Variants in KCNMA1 observed in about 807,000 individuals in gnomAD.
KCNMA1 encodes Calcium-activated potassium channel subunit alpha-1.
Under a neutral mutation model 140.0 loss-of-function variants are expected in KCNMA1, and 29 were observed. That is an observed-to-expected ratio of 0.21 (90% CI 0.15 to 0.28). KCNMA1 has a LOEUF of 0.28. Ranked by LOEUF, KCNMA1 falls within the 10% of genes least tolerant of loss-of-function variation. The probability of loss-of-function intolerance (pLI) is 1.00; values close to 1 mark genes in which losing one functional copy is unlikely to be tolerated. For synonymous variants in KCNMA1, 612 were observed against 611.9 expected (o/e 1.00, Z 0.00); for missense variants, 880 against 1,602.2 (o/e 0.55, Z 7.70).
chr10:76,894,335 G>C (rs116663917), intron 25 of KCNMA1, among the ~76,000 whole-genome samples: 4 of 152,030 alleles, frequency 2.6e-5, no homozygotes, highest in East Asian at 1.9e-4. Context: ...AACACAAAAG[G>C]GGTCAAAGAT....
chr10:77,576,088 T>C (rs949237199), intron 1 of KCNMA1, among the ~76,000 whole-genome samples: 1 of 152,210 alleles, frequency 6.6e-6, no homozygotes, highest in Non-Finnish European at 1.5e-5. Flanking sequence ...CAGTCTTCTG[T>C]GTGCACATCC....
chr10:76,953,534 A>G (rs757064186), intron 21 of KCNMA1, among the ~76,000 whole-genome samples: 2 of 152,190 alleles, frequency 1.3e-5, no homozygotes, highest in Non-Finnish European at 2.9e-5. Flanking sequence ...AATTATGTTC[A>G]TACCACCTCC....
intron 2 of KCNMA1, among the ~76,000 whole-genome samples, chr10:77,327,456 C>T (rs553549745): frequency 1.3e-5 from 2 of 151,986 alleles, no homozygotes; most frequent in Non-Finnish European, 2.9e-5. Context: ...TGGGTTCAAG[C>T]GATTCTCCTA....
At chr10:77,326,054 C>G (rs762447755) in intron 2 of KCNMA1, among the ~76,000 whole-genome samples, 1 of 152,196 alleles carries the variant, frequency 6.6e-6, no homozygotes, top group African/African-American at 2.4e-5. Flanking sequence ...CTCTGCACAC[C>G]CTGTGCCTTA....
rs991345002 is a variant in KCNMA1, at chr10:76,914,958, G to A, written c.2994C>T (p.Asn998=). Residue 998 remains asparagine (N), a synonymous_variant, in exon 24 of 28, where the codon AAC becomes AAT. Transcript: ENST00000286628. ...LRQPSITTGV[N]IPIITELVND... ...TACCTAGTTCAGTGATGATGGGGAT[G>A]TTGACCCCAGTTGTGATGGATGGTT... 1.9e-6 allele frequency: 3 copies of A among 1,612,594 alleles called. No individual in the cohort carries two copies. In the Admixed American group the frequency reaches 5.0e-5, roughly 27 times the overall value.
At chr10:77,158,860 C>A (rs1044419756) in intron 5 of KCNMA1, among the ~76,000 whole-genome samples, 5 of 152,072 alleles carry the variant, frequency 3.3e-5, no homozygotes, top group African/African-American at 1.2e-4. Flanking sequence ...GATATGGTAG[C>A]CTGGCCAGCC....
In KCNMA1 at chr10:77,056,107, G is replaced by A. The variant is rs117506872; in HGVS notation, c.1750-16470C>T. Among the ~76,000 whole-genome samples, 160 of 152,288 alleles carry A rather than the reference G, an allele frequency of 1.1e-3. 2 individuals carry two copies. The highest frequency in any genetic ancestry group is 3.5e-3 in the African/African-American group (145 of 41,572). On this transcript the variant is annotated intron_variant, in intron 14 of 27. Coordinates refer to ENST00000286628, the MANE Select transcript of KCNMA1 (RefSeq NM_001161352.2). ...TAAAATCAAGCCGATCAGGCCGGGC[G>A]CAGTGCCTCGTGTCTGTAATTCCAG...
intron 1 of KCNMA1, among the ~76,000 whole-genome samples, chr10:77,477,252 C>T (rs2098298699): frequency 6.6e-6 from 1 of 152,228 alleles, no homozygotes; most frequent in Non-Finnish European, 1.5e-5. Context: ...TAACACGAAA[C>T]ACTGAAGATT....
chr10:77,077,364 G>GCAAATAAT lies in KCNMA1; in HGVS notation c.1593+2109_1593+2116dup, dbSNP rs1411538667. 2.0e-5 allele frequency among the ~76,000 whole-genome samples: 3 copies of GCAAATAAT among 152,300 alleles called. No homozygotes were observed. The East Asian group carries it at 5.8e-4, about 29-fold the overall frequency. On this transcript the variant is annotated intron_variant, in intron 13 of 27. Transcript: ENST00000286628. ...TGGTTCTAAACAAAATGTGTTTTAA[G>GCAAATAAT]CAAATAATCATGAATTGGTTGATAT... is the stretch of plus-strand genomic sequence containing the variant.
intron 1 of KCNMA1, among the ~76,000 whole-genome samples, chr10:77,508,576 C>CTTTTTTTTTTTTTTTTTT (rs2047061603): frequency 1.1e-5 from 1 of 91,060 alleles, no homozygotes; most frequent in Non-Finnish European, 1.9e-5. Flanking sequence ...TTTTTTTTTT[C>CTTTTTTTTTTTTTTTTTT]TTTTCTTTTT....
chr10:77,635,161 C>G (rs1047391513), intron 1 of KCNMA1: 3 of 152,176 alleles, frequency 2.0e-5, no homozygotes, highest in Non-Finnish European at 4.4e-5. Flanking sequence ...TGCCAAAAAC[C>G]TATTTTCTTG....
intron 25 of KCNMA1, among the ~76,000 whole-genome samples, chr10:76,895,619 T>C (rs2042143413): frequency 6.6e-6 from 1 of 152,178 alleles, no homozygotes; most frequent in Non-Finnish European, 1.5e-5. Context: ...AAAAGAGTGA[T>C]GCAATGATAC....
chr10:76,889,913 G>A (rs2039145659), intron 26 of KCNMA1: 1 of 374,936 alleles, frequency 2.7e-6, no homozygotes, highest in Non-Finnish European at 5.1e-6. Flanking sequence ...CAGCTGAGGA[G>A]ATGAACCCTT....
chr10:77,022,729 G>A, intron 16 of KCNMA1, among the ~76,000 whole-genome samples: 1 of 152,186 alleles, frequency 6.6e-6, no homozygotes, highest in East Asian at 1.9e-4. Flanking sequence ...TAAAGCCTCA[G>A]TTCCATAAGT....
At chr10:77,248,378 T>A (rs2059024083) in intron 3 of KCNMA1, among the ~76,000 whole-genome samples, 1 of 152,162 alleles carries the variant, frequency 6.6e-6, no homozygotes, top group South Asian at 2.1e-4. Flanking sequence ...GGGGCAGCTC[T>A]GGCTAAAATT....
At chr10:76,985,663 G>T (rs1000711234) in intron 19 of KCNMA1, among the ~76,000 whole-genome samples, 1 of 152,174 alleles carries the variant, frequency 6.6e-6, no homozygotes, top group Non-Finnish European at 1.5e-5. Flanking sequence ...ACACAAACGC[G>T]ATAGCAAAGG....
chr10:77,562,816 A>G (rs1429306915), intron 1 of KCNMA1, among the ~76,000 whole-genome samples: 2 of 152,220 alleles, frequency 1.3e-5, no homozygotes, highest in Non-Finnish European at 2.9e-5. Context: ...TCCCCATACC[A>G]AGCACATTCA....
intron 23 of KCNMA1, among the ~76,000 whole-genome samples, chr10:76,935,254 C>T (rs917212796): frequency 1.3e-5 from 2 of 152,202 alleles, no homozygotes; most frequent in African/African-American, 4.8e-5. Context: ...GGTGCAAGGA[C>T]CAGTTTAGAA....
intron 1 of KCNMA1, among the ~76,000 whole-genome samples, chr10:77,423,956 C>T (rs1475007297): frequency 6.6e-6 from 1 of 152,122 alleles, no homozygotes; most frequent in African/African-American, 2.4e-5. Context: ...TTTGGCCAGG[C>T]GGTGAGCTTC....
Sources: gnomAD v4.1 joint callset for allele counts (sites outside exome capture counted in the v4.1 genomes callset) on GRCh38, gnomAD v4.1.1 for gene constraint, MANE v1.5 for transcripts, NCBI Gene and HGNC (gene_info 2026-07-23, HGNC 2026-07-21) for gene names.